Variants in RBFOX1 observed in about 807,000 individuals in gnomAD.
RBFOX1 encodes RNA binding fox-1 homolog 1, also known as RNA binding protein fox-1 homolog 1.
RBFOX1 carries 8 observed loss-of-function variants against 57.7 expected under a neutral mutation model. That is an observed-to-expected ratio of 0.14 (90% CI 0.08 to 0.25). The LOEUF is 0.25. Among genes scored for constraint, RBFOX1 ranks in the 10% least tolerant of loss-of-function variants. RBFOX1 has a pLI of 1.00. For synonymous variants in RBFOX1, 326 were observed against 222.4 expected, an observed-to-expected ratio of 1.47 and a Z score of -4.15; for missense variants, 611 against 548.5, an observed-to-expected ratio of 1.11 and a Z score of -1.14.
At chr16:5,668,619 T>G (rs936741337) in intron 3 of RBFOX1, among the ~76,000 whole-genome samples, 1 of 152,216 alleles carries the variant, frequency 6.6e-6, no homozygotes, top group Non-Finnish European at 1.5e-5. Context: ...GACAGGTAGG[T>G]GTGTTATGCA....
At position 6,528,619 on chromosome 16, in the gene RBFOX1, T is replaced by G. The variant is rs144395354; in HGVS notation, c.-63-125984T>G. Among the ~76,000 whole-genome samples, 820 of 152,346 alleles carry G rather than the reference T, an allele frequency of 5.4e-3. 6 individuals carry two copies. The highest frequency in any genetic ancestry group is 8.4e-3 in the Non-Finnish European group (570 of 68,032). On this transcript the variant is annotated intron_variant, in intron 2 of 15. Transcript: ENST00000550418. ...ATAGATACGATTTTAAAATGACATC[T>G]TCATTGTGAACCAGCTGTGGGCAGG...
At chr16:6,422,197 C>G (rs952154085) in intron 2 of RBFOX1, among the ~76,000 whole-genome samples, 1 of 150,836 alleles carries the variant, frequency 6.6e-6, no homozygotes, top group Non-Finnish European at 1.5e-5. Flanking sequence ...GTTGACATTA[C>G]AAGTGTGAGC....
intron 4 of RBFOX1, among the ~76,000 whole-genome samples, chr16:7,055,580 A>G (rs1761465513): frequency 6.6e-6 from 1 of 152,200 alleles, no homozygotes; most frequent in Non-Finnish European, 1.5e-5. Flanking sequence ...ATTTTACTGC[A>G]GGAAAATAAT....
At chr16:5,968,236 G>A (rs563480808) in intron 4 of RBFOX1, among the ~76,000 whole-genome samples, 14 of 152,132 alleles carry the variant, frequency 9.2e-5, no homozygotes, top group Admixed American at 1.3e-4. Flanking sequence ...CACCATGCCC[G>A]GTTAATTTTT....
intron 4 of RBFOX1, among the ~76,000 whole-genome samples, chr16:7,158,350 G>C (rs75057763): frequency 0.093 from 14,146 of 151,936 alleles, 689 homozygotes; most frequent in Middle Eastern, 0.13. Flanking sequence ...TGTCTCAAAA[G>C]AAAAAGAAAA....
At chr16:5,326,830 A>G (rs1160218266) in intron 1 of RBFOX1, among the ~76,000 whole-genome samples, 12 of 152,226 alleles carry the variant, frequency 7.9e-5, no homozygotes, top group Admixed American at 7.8e-4. Context: ...CCATTTTAAT[A>G]TCAGACGTCC....
chr16:7,657,924 A>T (rs913760833), intron 12 of RBFOX1, among the ~76,000 whole-genome samples: 6 of 152,236 alleles, frequency 3.9e-5, no homozygotes, highest in African/African-American at 1.4e-4. Flanking sequence ...TTATAGTCCT[A>T]GGAAGACACT....
chr16:7,127,236 C>T (rs1444442523), intron 4 of RBFOX1, among the ~76,000 whole-genome samples: 2 of 152,142 alleles, frequency 1.3e-5, no homozygotes, highest in African/African-American at 4.8e-5. Flanking sequence ...CAGCATTCTC[C>T]ATACTTTCCT....
intron 3 of RBFOX1, among the ~76,000 whole-genome samples, chr16:5,708,146 C>G (rs551070975): frequency 6.6e-6 from 1 of 152,288 alleles, no homozygotes; most frequent in South Asian, 2.1e-4. Flanking sequence ...AGTAGTCAGA[C>G]TGGAACTGGA....
intron 3 of RBFOX1, among the ~76,000 whole-genome samples, chr16:6,728,289 A>G (rs1316096270): frequency 6.6e-6 from 1 of 152,194 alleles, no homozygotes; most frequent in Non-Finnish European, 1.5e-5. Context: ...GGGAAATACA[A>G]GGTTGCAGTT....
chr16:6,175,938 G>A (rs1050217214), intron 1 of RBFOX1, among the ~76,000 whole-genome samples: 1 of 152,148 alleles, frequency 6.6e-6, no homozygotes, highest in African/African-American at 2.4e-5. Context: ...GAAAGCTGCT[G>A]TTTGGACTCC....
chr16:6,706,261 T>C (rs1426126933), intron 3 of RBFOX1, among the ~76,000 whole-genome samples: 1 of 152,164 alleles, frequency 6.6e-6, no homozygotes, highest in Non-Finnish European at 1.5e-5. Flanking sequence ...CCAGTTTTGA[T>C]GATAGGGCAA....
chr16:6,272,017 C>G (rs1054920649), intron 1 of RBFOX1, among the ~76,000 whole-genome samples: 5 of 152,064 alleles, frequency 3.3e-5, no homozygotes, highest in Admixed American at 6.6e-5. Flanking sequence ...AAACTGTAGA[C>G]TAATATTCTT....
intron 9 of RBFOX1, among the ~76,000 whole-genome samples, chr16:7,602,822 G>T (rs1049706198): frequency 1.3e-5 from 2 of 152,140 alleles, no homozygotes; most frequent in Non-Finnish European, 2.9e-5. Flanking sequence ...TCCAGGATAA[G>T]CCACATGTCA....
At chr16:5,643,299 A>G (rs8055142) in intron 3 of RBFOX1, among the ~76,000 whole-genome samples, 19,915 of 152,060 alleles carry the variant, frequency 0.13, 4,008 homozygotes, top group African/African-American at 0.43. Context: ...GTCCTTGATT[A>G]TCGTTTTTTT....
chr16:6,878,497 A>T (rs186587800), intron 3 of RBFOX1, among the ~76,000 whole-genome samples: 7 of 152,342 alleles, frequency 4.6e-5, no homozygotes, highest in African/African-American at 1.7e-4. Context: ...ATGTGATATG[A>T]GCAAGAAATA....
chr16:6,588,221 CTG>C (rs1410429405), intron 2 of RBFOX1, among the ~76,000 whole-genome samples: 1 of 150,290 alleles, frequency 6.7e-6, no homozygotes, highest in Non-Finnish European at 1.5e-5. Context: ...CAGAGCAAGA[CTG>C]TGTCTCGGGA....
At chr16:6,295,631 T>A (rs948708386) in intron 1 of RBFOX1, among the ~76,000 whole-genome samples, 3 of 152,208 alleles carry the variant, frequency 2.0e-5, no homozygotes, top group African/African-American at 7.2e-5. Flanking sequence ...CTGTCTGTGT[T>A]TATGAGCGGT....
intron 1 of RBFOX1, among the ~76,000 whole-genome samples, chr16:6,254,283 C>G (rs1272367544): frequency 6.6e-6 from 1 of 152,126 alleles, no homozygotes; most frequent in Non-Finnish European, 1.5e-5. Flanking sequence ...GAACGTTTAT[C>G]TCTCTAAATA....
Sources: gnomAD v4.1 joint callset for allele counts (sites outside exome capture counted in the v4.1 genomes callset) on GRCh38, gnomAD v4.1.1 for gene constraint, MANE v1.5 for transcripts, NCBI Gene and HGNC (gene_info 2026-07-23, HGNC 2026-07-21) for gene names.